FAM114A2: variants seen among roughly 807,000 people sequenced by gnomAD.
FAM114A2 encodes the protein protein FAM114A2.
A neutral mutation model predicts 58.4 loss-of-function variants in FAM114A2; 53 were observed. The ratio of observed to expected loss-of-function variants is 0.91; its 90% confidence interval spans 0.73 to 1.14. The LOEUF (loss-of-function observed/expected upper bound fraction) is 1.14. Ranked by LOEUF, FAM114A2 falls within the 50% of genes most tolerant of loss-of-function variation. The probability of loss-of-function intolerance (pLI) is 0.00; values close to 1 mark genes in which losing one functional copy is unlikely to be tolerated. For missense variants in FAM114A2, 601 were observed against 581.1 expected, an observed-to-expected ratio of 1.03 and a Z score of -0.35; for synonymous variants, 228 against 211.4, an observed-to-expected ratio of 1.08 and a Z score of -0.68.
rs1389799411 is a variant in FAM114A2, at chr5:154,010,539, A to C, written c.993+702T>G. Among the ~76,000 whole-genome samples, 10 of 152,168 alleles carry C rather than the reference A, an allele frequency of 6.6e-5. No homozygotes were observed. The East Asian group carries it at 1.9e-3, about 29-fold the overall frequency. On this transcript the variant is annotated intron_variant, in intron 9 of 13. Transcript: ENST00000351797. ...TAGCTCTCACCTCTCCCTGGCCAGG[A>C]AACAATGTGCACCTGCAGCTGACTG...
rs945536821 is a variant in FAM114A2, at chr5:153,997,968, G to T, written c.1257-93C>A. On this transcript the variant is annotated intron_variant, in intron 11 of 13. Transcript: ENST00000351797. ...TGTCAGAAGAGAACAAATCACTTCT[G>T]GTACTAAATGTGAAAGAAGAAAGCT... 5.5e-6 allele frequency: 4 copies of T among 729,526 alleles called. No homozygotes were observed. In the African/African-American group the frequency reaches 7.3e-5, roughly 13 times the overall value. The allele number at this position is 729,526 out of a possible 1,614,324, so 45.2% of individuals were successfully genotyped here.
intron 8 of FAM114A2, among the ~76,000 whole-genome samples, chr5:154,013,383 C>T (rs1305027250): frequency 2.0e-5 from 3 of 152,110 alleles, no homozygotes. Context: ...GTATTCTCTC[C>T]CCTCTGATAC....
Position 154,033,852 on chromosome 5 carries a change from T to C in FAM114A2, c.342A>G (p.Ala114=), listed in dbSNP as rs768231625. ...GACCAGGGATTCCAAGGGAAGTCTC[T>C]GCCTTCTCGATGACATTTGAAATGC... ...GQGISNVIEK[A]ETSLGIPGPS... is the part of the protein sequence containing the mutation. Residue 114 remains alanine, a synonymous_variant, in exon 4 of 14, where the codon GCA becomes GCG. Transcript: ENST00000351797. 2.3e-5 allele frequency: 37 copies of C among 1,611,112 alleles called. No homozygotes were observed. The Middle Eastern group carries it at 1.5e-3, about 65-fold the overall frequency.
intron 8 of FAM114A2, among the ~76,000 whole-genome samples, chr5:154,020,342 A>G (rs1276077014): frequency 1.3e-5 from 2 of 152,212 alleles, no homozygotes; most frequent in Non-Finnish European, 2.9e-5. Flanking sequence ...AACCCTTCAA[A>G]AAATCAATGA....
intron 1 of FAM114A2, chr5:154,038,282 G>GC (rs1277766884): frequency 2.6e-5 from 4 of 152,066 alleles, no homozygotes; most frequent in Admixed American, 1.3e-4. Flanking sequence ...CACTCCACCC[G>GC]CCCCATTTAC....
At chr5:154,002,180 T>C (rs1044339371) in intron 11 of FAM114A2, 71 bp downstream of exon 11, 1 of 1,448,366 alleles carries the variant, frequency 6.9e-7, no homozygotes, top group African/African-American at 1.4e-5. Context: ...GAGACGTTTA[T>C]AAAACTTTGG....
intron 12 of FAM114A2, among the ~76,000 whole-genome samples, chr5:153,997,075 C>T (rs1769617407): frequency 6.6e-6 from 1 of 150,720 alleles, no homozygotes; most frequent in African/African-American, 2.4e-5. Flanking sequence ...GATACTATTT[C>T]ATACCCACTA....
intron 8 of FAM114A2, among the ~76,000 whole-genome samples, chr5:154,012,689 TG>T (rs1770778438): frequency 1.3e-5 from 2 of 152,194 alleles, no homozygotes; most frequent in Non-Finnish European, 2.9e-5. Flanking sequence ...TAATAAGGTT[TG>T]GGAAAAGCTG....
chr5:154,031,030 G>C (rs922517756), intron 4 of FAM114A2, among the ~76,000 whole-genome samples: 1 of 152,028 alleles, frequency 6.6e-6, no homozygotes, highest in African/African-American at 2.4e-5. Flanking sequence ...AAAAAGTCTT[G>C]GCCAGACACA....
intron 9 of FAM114A2, among the ~76,000 whole-genome samples, chr5:154,006,096 C>G (rs1456255312): frequency 6.6e-6 from 1 of 152,192 alleles, no homozygotes; most frequent in Admixed American, 6.5e-5. Context: ...AAACACCAAA[C>G]AGCATGAACT....
intron 8 of FAM114A2, among the ~76,000 whole-genome samples, chr5:154,016,698 C>T (rs1224451205): frequency 1.3e-5 from 2 of 151,554 alleles, no homozygotes; most frequent in African/African-American, 4.9e-5. Flanking sequence ...AATCTCATGA[C>T]CTATAAAACA....
At chr5:154,022,722 G>A in intron 8 of FAM114A2, among the ~76,000 whole-genome samples, 1 of 152,344 alleles carries the variant, frequency 6.6e-6, no homozygotes, top group East Asian at 1.9e-4. Flanking sequence ...GTGGAAGACA[G>A]TGTGGTGATT....
rs760327453 is a variant in FAM114A2, at chr5:154,029,579, T to C, written c.405A>G (p.Gly135=). 1 of 1,583,280 alleles carries C rather than the reference T, an allele frequency of 6.3e-7. No homozygotes were observed. Among genetic ancestry groups the C allele is most frequent in the Admixed American group, 1.7e-5 (1 of 59,788 alleles). ...TTTCATTCTCTTTGGCATTTGTCTCTCCTACAAGAGGGAGGGGATGTGTAA... is the reference window on the plus strand; with the variant it reads ...TTTCATTCTCTTTGGCATTTGTCTCCCCTACAAGAGGGAGGGGATGTGTAA... The part of the protein sequence containing the change: ...EISTEVKYVA[G]ETNAKENENS... The change falls in exon 5 of 14, where the codon GGA becomes GGG. Residue 135 remains glycine (G), a splice_region_variant and synonymous_variant. Transcript: ENST00000351797.
intron 1 of FAM114A2, among the ~76,000 whole-genome samples, chr5:154,035,194 T>G (rs183133322): frequency 6.6e-6 from 1 of 152,260 alleles, no homozygotes; most frequent in Non-Finnish European, 1.5e-5. Flanking sequence ...CATTCAGACT[T>G]TATCAGTTTT....
Position 154,036,517 on chromosome 5 carries a change from C to T in FAM114A2, c.-14-1550G>A, listed in dbSNP as rs533701947. The T allele has an allele frequency of 2.6e-5, 4 of 152,212 alleles. No homozygotes were observed. In the South Asian group the frequency reaches 8.3e-4, roughly 32 times the overall value. 9.4% of individuals were successfully genotyped at this position (152,212 alleles called of 1,614,324 possible). A position where few individuals can be genotyped will look rare whatever the true frequency, so the allele number is the denominator to read the frequency against. On this transcript the variant is annotated intron_variant, in intron 1 of 13. Transcript: ENST00000351797. ...TACTAAGTGCAGAATTAGACCCAACCCATGCTATCAAAATGTTTCTAATGT... is the reference window on the plus strand; with the variant it reads ...TACTAAGTGCAGAATTAGACCCAACTCATGCTATCAAAATGTTTCTAATGT...
chr5:154,015,970 G>A (rs1419964068), intron 8 of FAM114A2, among the ~76,000 whole-genome samples: 5 of 152,002 alleles, frequency 3.3e-5, no homozygotes, highest in Admixed American at 1.3e-4. Flanking sequence ...TTACAGAAAT[G>A]CAAAATGCTG....
chr5:154,037,394 CCATT>C (rs1423818689), intron 1 of FAM114A2: 1 of 152,184 alleles, frequency 6.6e-6, no homozygotes, highest in Non-Finnish European at 1.5e-5. Context: ...TTAGAAGTAG[CCATT>C]CATTCACTCG....
chr5:154,008,496 C>T (rs1355817230), intron 9 of FAM114A2, among the ~76,000 whole-genome samples: 2 of 152,128 alleles, frequency 1.3e-5, no homozygotes, highest in African/African-American at 4.8e-5. Flanking sequence ...AAATTCCACA[C>T]CTGACCTCAT....
intron 8 of FAM114A2, among the ~76,000 whole-genome samples, chr5:154,015,630 G>A (rs1770990694): frequency 6.6e-6 from 1 of 152,256 alleles, no homozygotes; most frequent in South Asian, 2.1e-4. Context: ...CAACACCCTT[G>A]AGCCCTAGAC....
Sources: gnomAD v4.1 joint callset for allele counts (sites outside exome capture counted in the v4.1 genomes callset) on GRCh38, gnomAD v4.1.1 for gene constraint, MANE v1.5 for transcripts, NCBI Gene and HGNC (gene_info 2026-07-23, HGNC 2026-07-21) for gene names.